DGCR2: variants seen among roughly 807,000 people sequenced by gnomAD.
DGCR2 encodes integral membrane protein DGCR2/IDD.
Under a neutral mutation model 51.6 loss-of-function variants are expected in DGCR2, and 24 were observed. That is an observed-to-expected ratio of 0.47 (90% CI 0.34 to 0.65). The LOEUF (loss-of-function observed/expected upper bound fraction) is 0.65. DGCR2 is among the 30% of genes least tolerant of loss of function. DGCR2 has a pLI of 0.01. For missense variants in DGCR2, 765 were observed against 772.1 expected (o/e 0.99, Z 0.11); for synonymous variants, 340 against 315.4 (o/e 1.08, Z -0.82).
chr22:19,059,803 C>T (rs533659944), intron 5 of DGCR2, among the ~76,000 whole-genome samples: 1 of 152,292 alleles, frequency 6.6e-6, no homozygotes, highest in East Asian at 1.9e-4. Context: ...CTGATTACCT[C>T]TGCCACCACA....
chr22:19,078,292 G>T (rs2082901501), intron 2 of DGCR2, among the ~76,000 whole-genome samples: 1 of 152,198 alleles, frequency 6.6e-6, no homozygotes, highest in Admixed American at 6.5e-5. Context: ...GTTATAAGTT[G>T]AGGAATATCT....
intron 2 of DGCR2, among the ~76,000 whole-genome samples, 200 bp from the exon 3 acceptor site, chr22:19,068,425 T>C (rs939122733): frequency 1.3e-5 from 2 of 152,250 alleles, no homozygotes; most frequent in Non-Finnish European, 2.9e-5. Context: ...CTTATTAAAA[T>C]TATGCCGTGG....
At chr22:19,110,716 A>G (rs1936954) in intron 1 of DGCR2, among the ~76,000 whole-genome samples, 24,351 of 152,140 alleles carry the variant, frequency 0.16, 2,191 homozygotes, top group South Asian at 0.29. Flanking sequence ...GAAGCTGTGC[A>G]ATATCACAGC....
At chr22:19,105,918 G>C (rs950646497) in intron 1 of DGCR2, among the ~76,000 whole-genome samples, 1 of 151,964 alleles carries the variant, frequency 6.6e-6, no homozygotes, top group Admixed American at 6.6e-5. Context: ...CAGGTTCTTG[G>C]GGGTCCCGGC....
In DGCR2 at chr22:19,056,978, G is replaced by T. The variant is rs2046476421; in HGVS notation, c.802+8C>A. 2 of 1,572,874 alleles carry T rather than the reference G, an allele frequency of 1.3e-6. No homozygotes were observed. The highest frequency in any genetic ancestry group is 1.7e-6 in the Non-Finnish European group (2 of 1,158,098). On this transcript the variant is annotated splice_region_variant and intron_variant, in intron 6 of 9. Transcript: ENST00000263196. ...ATTCCCCAAGAACGCCAGCTCAAGG[G>T]GGCTTACTTCTTTTACACAGAAATG...
At chr22:19,062,777 T>TCTCTCTCTCTCTCTCTCTCTCTC (rs1327897839) in intron 5 of DGCR2, among the ~76,000 whole-genome samples, 1 of 125,344 alleles carries the variant, frequency 8.0e-6, no homozygotes, top group Non-Finnish European at 1.7e-5. Flanking sequence ...ACATGCATGC[T>TCTCTCTCTCTCTCTCTCTCTCTC]CACTCTCTCT....
chr22:19,070,523 G>A (rs1231297683), intron 2 of DGCR2, among the ~76,000 whole-genome samples: 2 of 152,182 alleles, frequency 1.3e-5, no homozygotes, highest in Non-Finnish European at 2.9e-5. Context: ...ATGAACTGAG[G>A]GCAGAGGAAA....
At chr22:19,090,188 GA>G (rs1380040570) in intron 1 of DGCR2, among the ~76,000 whole-genome samples, 1 of 152,104 alleles carries the variant, frequency 6.6e-6, no homozygotes, top group African/African-American at 2.4e-5. Flanking sequence ...AAAATACCAG[GA>G]AAAAATGTGC....
intron 1 of DGCR2, among the ~76,000 whole-genome samples, chr22:19,120,560 T>A (rs1047871648): frequency 6.6e-6 from 1 of 152,116 alleles, no homozygotes; most frequent in Non-Finnish European, 1.5e-5. Context: ...GTGAAAAGGC[T>A]GGCAAGGAAA....
At chr22:19,084,609 GC>G (rs2082987856) in intron 2 of DGCR2, among the ~76,000 whole-genome samples, 1 of 140,060 alleles carries the variant, frequency 7.1e-6, no homozygotes, top group African/African-American at 2.7e-5. Context: ...CCCGGCAGCC[GC>G]CCCGTCTGGG....
At chr22:19,107,162 C>A (rs1601301169) in intron 1 of DGCR2, among the ~76,000 whole-genome samples, 1 of 152,200 alleles carries the variant, frequency 6.6e-6, no homozygotes, top group Non-Finnish European at 1.5e-5. Flanking sequence ...CATTTCCAAA[C>A]AGCCCCCGGG....
At chr22:19,111,860 A>T (rs2800982) in intron 1 of DGCR2, among the ~76,000 whole-genome samples, 20,926 of 87,912 alleles carry the variant, frequency 0.24, 1,533 homozygotes, top group Middle Eastern at 0.34. Context: ...TTATTTATTT[A>T]TTTTTTTTTG....
intron 1 of DGCR2, among the ~76,000 whole-genome samples, chr22:19,099,739 G>A (rs144546077): frequency 0.013 from 1,980 of 152,020 alleles, 37 homozygotes; most frequent in South Asian, 0.058. Context: ...GGGAGGCCAA[G>A]GCACGTGGAT....
intron 2 of DGCR2, among the ~76,000 whole-genome samples, chr22:19,086,063 A>G (rs2146006586): frequency 6.6e-6 from 1 of 152,314 alleles, no homozygotes; most frequent in African/African-American, 2.4e-5. Flanking sequence ...ATAAACTAGA[A>G]AAAAAATCAC....
At chr22:19,041,993 A>C (rs1281928695) in intron 7 of DGCR2, 34 bp from the exon 8 acceptor site, 2 of 1,601,990 alleles carry the variant, frequency 1.2e-6, no homozygotes, top group Non-Finnish European at 1.7e-6. Flanking sequence ...CCGCTCTGAG[A>C]AGGGGGCCAC....
intron 5 of DGCR2, among the ~76,000 whole-genome samples, chr22:19,059,986 A>G (rs1015398498): frequency 2.6e-5 from 4 of 152,120 alleles, no homozygotes; most frequent in Non-Finnish European, 4.4e-5. Context: ...CCACCTCCAC[A>G]GCCACAGAAT....
intron 1 of DGCR2, among the ~76,000 whole-genome samples, chr22:19,099,389 G>C (rs2083176438): frequency 6.6e-6 from 1 of 151,794 alleles, no homozygotes; most frequent in African/African-American, 2.4e-5. Context: ...AGACCAGCCT[G>C]GCCAACATGG....
chr22:19,071,556 T>A (rs1257950403), intron 2 of DGCR2, among the ~76,000 whole-genome samples: 1 of 152,016 alleles, frequency 6.6e-6, no homozygotes, highest in African/African-American at 2.4e-5. Context: ...TCTACAGAAC[T>A]GACCTGGACT....
At chr22:19,073,977 G>A (rs1426246095) in intron 2 of DGCR2, among the ~76,000 whole-genome samples, 1 of 152,200 alleles carries the variant, frequency 6.6e-6, no homozygotes, top group Admixed American at 6.5e-5. Flanking sequence ...ACCACCAGGG[G>A]CGTCTGGGAA....
Sources: allele counts gnomAD v4.1 joint callset (sites outside exome capture counted in the v4.1 genomes callset), GRCh38; gene constraint gnomAD v4.1.1; transcripts MANE v1.5; gene names NCBI Gene and HGNC (gene_info 2026-07-23, HGNC 2026-07-21).